CRPPA: variants seen among roughly 807,000 people sequenced by gnomAD.
CRPPA encodes the protein D-ribitol-5-phosphate cytidylyltransferase.
Under a neutral mutation model 52.0 loss-of-function variants are expected in CRPPA, and 43 were observed. That is an observed-to-expected ratio of 0.83 (90% CI 0.65 to 1.07). The LOEUF (loss-of-function observed/expected upper bound fraction) is 1.07. Among genes scored for constraint, CRPPA ranks in the 50% least tolerant of loss-of-function variants. The pLI is 0.00. For synonymous variants in CRPPA, 250 were observed against 203.5 expected, an observed-to-expected ratio of 1.23 and a Z score of -1.94; for missense variants, 629 against 551.7, an observed-to-expected ratio of 1.14 and a Z score of -1.40.
intron 3 of CRPPA, among the ~76,000 whole-genome samples, chr7:16,356,186 T>G (rs181472315): frequency 3.4e-4 from 52 of 152,336 alleles, no homozygotes; most frequent in African/African-American, 1.2e-3. Context: ...CTGAACAAGT[T>G]AAGCCAAACA....
At chr7:16,208,771 G>C (rs1388502977) in intron 9 of CRPPA, among the ~76,000 whole-genome samples, 1 of 152,076 alleles carries the variant, frequency 6.6e-6, no homozygotes, top group African/African-American at 2.4e-5. Context: ...TCATCTCCAG[G>C]TATATGAATT....
chr7:16,376,026 CA>C (rs1453689065), intron 3 of CRPPA, 65 bp downstream of exon 3: 6 of 1,480,738 alleles, frequency 4.1e-6, no homozygotes, highest in African/African-American at 1.4e-5. Flanking sequence ...GGAAATTCTC[CA>C]AATGTGGAGG....
intron 3 of CRPPA, among the ~76,000 whole-genome samples, chr7:16,370,613 C>G (rs1373169217): frequency 6.6e-6 from 1 of 152,192 alleles, no homozygotes; most frequent in Non-Finnish European, 1.5e-5. Flanking sequence ...AGAATCTAAA[C>G]AACAGGCCTC....
At chr7:16,347,549 A>C (rs1786044848) in intron 3 of CRPPA, among the ~76,000 whole-genome samples, 2 of 152,166 alleles carry the variant, frequency 1.3e-5, no homozygotes, top group African/African-American at 4.8e-5. Context: ...AGTCAGGGAT[A>C]GGAGAATTAG....
chr7:16,203,438 C>T (rs1781900641), intron 9 of CRPPA, among the ~76,000 whole-genome samples: 1 of 152,084 alleles, frequency 6.6e-6, no homozygotes, highest in Admixed American at 6.6e-5. Flanking sequence ...TTACAACAGG[C>T]TTAATCAGAG....
chr7:16,350,896 G>A (rs551038640), intron 3 of CRPPA, among the ~76,000 whole-genome samples: 4 of 152,062 alleles, frequency 2.6e-5, no homozygotes, highest in Non-Finnish European at 5.9e-5. Flanking sequence ...AAAGTGAAGG[G>A]ATGAAAAAAT....
intron 9 of CRPPA, among the ~76,000 whole-genome samples, chr7:16,174,573 A>C (rs1781256581): frequency 6.6e-6 from 1 of 152,190 alleles, no homozygotes; most frequent in South Asian, 2.1e-4. Context: ...AAGCATATTC[A>C]TAAGGAAAAA....
chr7:16,292,285 T>C (rs1365833461), intron 5 of CRPPA, among the ~76,000 whole-genome samples: 2 of 151,948 alleles, frequency 1.3e-5, no homozygotes, highest in African/African-American at 4.8e-5. Flanking sequence ...TTAGTATTTA[T>C]TGAAGCACAT....
chr7:16,112,424 C>T (rs1233969654), intron 9 of CRPPA, among the ~76,000 whole-genome samples: 1 of 151,680 alleles, frequency 6.6e-6, no homozygotes, highest in African/African-American at 2.4e-5. Flanking sequence ...CATTTGGGTG[C>T]CTTACAAAAT....
chr7:16,303,499 A>AAAAAAAAAAAAAAAAAAAAAAAAAAAC (rs1562619571), intron 4 of CRPPA, among the ~76,000 whole-genome samples: 1 of 148,368 alleles, frequency 6.7e-6, no homozygotes, highest in African/African-American at 2.5e-5. Flanking sequence ...AAAAAAAAAA[A>AAAAAAAAAAAAAAAAAAAAAAAAAAAC]AAAACTTTCA....
At chr7:16,237,095 C>T (rs1215401000) in intron 8 of CRPPA, among the ~76,000 whole-genome samples, 3 of 152,148 alleles carry the variant, frequency 2.0e-5, no homozygotes, top group Non-Finnish European at 4.4e-5. Context: ...CCGTATCTTA[C>T]TATCATTCGC....
intron 6 of CRPPA, among the ~76,000 whole-genome samples, chr7:16,265,890 A>G (rs1783939920): frequency 6.6e-6 from 1 of 152,224 alleles, no homozygotes; most frequent in Non-Finnish European, 1.5e-5. Context: ...ATCTAAGATT[A>G]CACAGCCAGT....
intron 3 of CRPPA, among the ~76,000 whole-genome samples, chr7:16,318,135 C>T (rs1280567354): frequency 2.0e-5 from 3 of 152,116 alleles, no homozygotes; most frequent in East Asian, 1.9e-4. Flanking sequence ...CATCCAACCC[C>T]GTGAAACCTC....
chr7:16,223,969 A>C (rs531871435), intron 8 of CRPPA, among the ~76,000 whole-genome samples: 27 of 152,310 alleles, frequency 1.8e-4, no homozygotes, highest in East Asian at 5.8e-4. Flanking sequence ...CATTTCTAAC[A>C]GTTCTTTCTC....
At chr7:16,261,386 T>C (rs1287456052) in intron 6 of CRPPA, among the ~76,000 whole-genome samples, 1 of 152,082 alleles carries the variant, frequency 6.6e-6, no homozygotes, top group East Asian at 1.9e-4. Context: ...ACATTTTAAG[T>C]TCTACCCATA....
chr7:16,398,960 G>A (rs1184791716), intron 2 of CRPPA, among the ~76,000 whole-genome samples: 3 of 152,208 alleles, frequency 2.0e-5, no homozygotes, highest in Non-Finnish European at 2.9e-5. Context: ...TAATCAACAC[G>A]TGACACCTGA....
chr7:16,205,826 C>G (rs1183768529), intron 9 of CRPPA, among the ~76,000 whole-genome samples: 1 of 151,344 alleles, frequency 6.6e-6, no homozygotes, highest in Non-Finnish European at 1.5e-5. Context: ...CCTAAAGAGC[C>G]AAAATCCTTT....
At chr7:16,324,184 G>A (rs918763656) in intron 3 of CRPPA, among the ~76,000 whole-genome samples, 6 of 152,172 alleles carry the variant, frequency 3.9e-5, no homozygotes, top group African/African-American at 1.4e-4. Context: ...TTCCTGACAG[G>A]GAATGGACTA....
At chr7:16,123,217 T>C (rs779736362) in intron 9 of CRPPA, among the ~76,000 whole-genome samples, 1 of 152,116 alleles carries the variant, frequency 6.6e-6, no homozygotes, top group Non-Finnish European at 1.5e-5. Flanking sequence ...CCCTAAGACA[T>C]GACATTAAGC....
Sources: allele counts gnomAD v4.1 joint callset (sites outside exome capture counted in the v4.1 genomes callset), GRCh38; gene constraint gnomAD v4.1.1; transcripts MANE v1.5; gene names NCBI Gene and HGNC (gene_info 2026-07-23, HGNC 2026-07-21).